LRP12: variants seen among roughly 807,000 people sequenced by gnomAD.
LRP12 encodes the protein LDL receptor related protein 12.
A neutral mutation model predicts 66.0 loss-of-function variants in LRP12; 14 were observed. That is an observed-to-expected ratio of 0.21 (90% CI 0.14 to 0.33). The LOEUF (loss-of-function observed/expected upper bound fraction) is 0.33, where lower values mean the gene tolerates loss of function less well. Among genes scored for constraint, LRP12 ranks in the 10% least tolerant of loss-of-function variants. LRP12 has a pLI of 1.00. For missense variants in LRP12, 889 were observed against 1,053.4 expected, an observed-to-expected ratio of 0.84 and a Z score of 2.16; for synonymous variants, 357 against 359.1, an observed-to-expected ratio of 0.99 and a Z score of 0.07.
At chr8:104,524,975 C>T (rs1361030100) in intron 2 of LRP12, among the ~76,000 whole-genome samples, 6 of 151,886 alleles carry the variant, frequency 4.0e-5, no homozygotes, top group Non-Finnish European at 7.4e-5. Context: ...ATCAACTTGA[C>T]GTAAGATATA....
intron 1 of LRP12, among the ~76,000 whole-genome samples, chr8:104,558,705 C>T (rs112785389): frequency 0.017 from 2,558 of 151,732 alleles, 69 homozygotes; most frequent in African/African-American, 0.058. Flanking sequence ...CCTAACTATG[C>T]ATCCAACAAA....
At chr8:104,547,508 GTATATAA>G (rs1425155709) in intron 1 of LRP12, among the ~76,000 whole-genome samples, 2 of 117,036 alleles carry the variant, frequency 1.7e-5, no homozygotes, top group Admixed American at 9.5e-5. Context: ...ATTATATTTT[GTATATAA>G]TATATAATTG....
At chr8:104,507,799 GAGGAAAATAAA>G (rs1251689194) in intron 3 of LRP12, 1 of 152,136 alleles carries the variant, frequency 6.6e-6, no homozygotes, top group Non-Finnish European at 1.5e-5. Context: ...ATGTAGGGTA[GAGGAAAATAAA>G]AGGAAAACAA....
intron 1 of LRP12, among the ~76,000 whole-genome samples, chr8:104,539,773 T>G (rs1198309167): frequency 6.6e-6 from 1 of 152,016 alleles, no homozygotes; most frequent in South Asian, 2.1e-4. Context: ...TGTCAAATTA[T>G]GTGAGAAGAT....
At position 104,563,136 on chromosome 8, in the gene LRP12, T is replaced by C. The variant is rs146647451; in HGVS notation, c.79+25683A>G. 9.1e-4 allele frequency among the ~76,000 whole-genome samples: 138 copies of C among 152,318 alleles called. 1 individual carries two copies. Among genetic ancestry groups the C allele is most frequent in the African/African-American group, 3.1e-3 (130 of 41,572 alleles). ...TCTTCCATTTACTAATTACGTGACC[T>C]TGGCTAAGATACTTAACCTTTTTGT... On this transcript the variant is annotated intron_variant, in intron 1 of 6. Transcript: ENST00000276654.
chr8:104,576,998 G>C (rs1335467983), intron 1 of LRP12, among the ~76,000 whole-genome samples: 1 of 152,066 alleles, frequency 6.6e-6, no homozygotes, highest in Non-Finnish European at 1.5e-5. Context: ...AGACAAAGAA[G>C]AACATTACAT....
chr8:104,516,095 T>C (rs1044704320), intron 2 of LRP12, among the ~76,000 whole-genome samples: 1 of 152,144 alleles, frequency 6.6e-6, no homozygotes, highest in South Asian at 2.1e-4. Context: ...TAATTTACGT[T>C]GGTGAGTTAT....
At chr8:104,580,359 A>AC (rs796736910) in intron 1 of LRP12, among the ~76,000 whole-genome samples, 9,700 of 83,906 alleles carry the variant, frequency 0.12, 363 homozygotes, top group African/African-American at 0.18. Flanking sequence ...TACTAAAAAT[A>AC]AAAAAAAAAA....
chr8:104,552,005 G>A (rs575754051), intron 1 of LRP12, among the ~76,000 whole-genome samples: 6 of 152,276 alleles, frequency 3.9e-5, no homozygotes, highest in Admixed American at 3.3e-4. Flanking sequence ...GTAAGTAAGA[G>A]GAGAGAAGGA....
intron 1 of LRP12, among the ~76,000 whole-genome samples, chr8:104,552,250 G>A (rs1811735894): frequency 6.6e-6 from 1 of 151,426 alleles, no homozygotes; most frequent in Non-Finnish European, 1.5e-5. Context: ...AACTTGTTGG[G>A]GATGGGGATA....
intron 1 of LRP12, among the ~76,000 whole-genome samples, chr8:104,566,752 A>G (rs1349075355): frequency 1.1e-4 from 16 of 152,176 alleles, no homozygotes; most frequent in Non-Finnish European, 2.1e-4. Context: ...AGTATCTTCA[A>G]TACGTTATTT....
chr8:104,563,001 G>A (rs1811937863), intron 1 of LRP12, among the ~76,000 whole-genome samples: 1 of 152,070 alleles, frequency 6.6e-6, no homozygotes, highest in Non-Finnish European at 1.5e-5. Context: ...GCTTGCTTTT[G>A]AGCTGCATTT....
At chr8:104,588,205 AACT>A in intron 1 of LRP12, among the ~76,000 whole-genome samples, 1 of 152,292 alleles carries the variant, frequency 6.6e-6, no homozygotes, top group African/African-American at 2.4e-5. Context: ...TGGGGCTGGA[AACT>A]ATTTTCTGGC....
At chr8:104,518,133 G>A (rs1811097559) in intron 2 of LRP12, among the ~76,000 whole-genome samples, 2 of 152,102 alleles carry the variant, frequency 1.3e-5, no homozygotes. Flanking sequence ...TCTGCTTCAA[G>A]TCAGAAATAT....
At chr8:104,539,603 C>T (rs1811443076) in intron 1 of LRP12, among the ~76,000 whole-genome samples, 1 of 151,932 alleles carries the variant, frequency 6.6e-6, no homozygotes, top group Admixed American at 6.6e-5. Context: ...GAATTAAGAT[C>T]AGGGTTAATA....
In LRP12 at chr8:104,581,862, A is replaced by AT. The variant is rs367891656; in HGVS notation, c.79+6956dup. On this transcript the variant is annotated intron_variant, in intron 1 of 6. Coordinates refer to ENST00000276654, the MANE Select transcript of LRP12 (RefSeq NM_013437.5). ...CTAATAATACCTACCTCACACAATG[A>AT]TTTTGAGAATTAATCATGGCATTTT... is the stretch of plus-strand genomic sequence containing the variant. 8.8e-3 allele frequency among the ~76,000 whole-genome samples: 1,334 copies of AT among 152,280 alleles called. 6 individuals are homozygous for AT. Among genetic ancestry groups the AT allele is most frequent in the Non-Finnish European group, 0.014 (938 of 68,010 alleles).
intron 2 of LRP12, among the ~76,000 whole-genome samples, chr8:104,527,813 C>A (rs1811263708): frequency 6.6e-6 from 1 of 150,902 alleles, no homozygotes. Context: ...GCACATGTAC[C>A]CTAAAACAAA....
chr8:104,514,029 T>G (rs1811037539), intron 2 of LRP12, among the ~76,000 whole-genome samples: 2 of 152,114 alleles, frequency 1.3e-5, no homozygotes, highest in South Asian at 2.1e-4. Context: ...GGTACTGAAG[T>G]AAAAAGAAAT....
intron 1 of LRP12, among the ~76,000 whole-genome samples, chr8:104,561,089 C>T (rs1156622756): frequency 6.6e-6 from 1 of 152,162 alleles, no homozygotes; most frequent in African/African-American, 2.4e-5. Flanking sequence ...CACTGCAGCA[C>T]AAAAGCAGCT....
Sources: gnomAD v4.1 joint callset for allele counts (sites outside exome capture counted in the v4.1 genomes callset) on GRCh38, gnomAD v4.1.1 for gene constraint, MANE v1.5 for transcripts, NCBI Gene and HGNC (gene_info 2026-07-23, HGNC 2026-07-21) for gene names.